Variants in PRKN observed in about 807,000 individuals in gnomAD.
The protein encoded by PRKN is E3 ubiquitin-protein ligase parkin.
Under a neutral mutation model 59.5 loss-of-function variants are expected in PRKN, and 56 were observed. That is an observed-to-expected ratio of 0.94 (90% CI 0.76 to 1.18). The LOEUF (loss-of-function observed/expected upper bound fraction) is 1.18. PRKN is among the 50% of genes most tolerant of loss of function. PRKN has a pLI of 0.00. For missense variants in PRKN, 657 were observed against 596.4 expected (o/e 1.10, Z -1.06); for synonymous variants, 250 against 222.1 (o/e 1.13, Z -1.12).
chr6:162,449,736 T>C (rs1045356198), intron 1 of PRKN, among the ~76,000 whole-genome samples: 5 of 152,174 alleles, frequency 3.3e-5, no homozygotes, highest in African/African-American at 1.2e-4. Context: ...TCCCCACTTA[T>C]ACATAGAGGC....
chr6:162,699,628 G>GGCC (rs1778083417), intron 1 of PRKN, among the ~76,000 whole-genome samples: 1 of 152,130 alleles, frequency 6.6e-6, no homozygotes, highest in African/African-American at 2.4e-5. Flanking sequence ...AAGAATAAAA[G>GGCC]TGTCTCCAAT....
At chr6:161,436,356 CTCA>C (rs936169237) in intron 9 of PRKN, among the ~76,000 whole-genome samples, 40 of 77,192 alleles carry the variant, frequency 5.2e-4, no homozygotes, top group Non-Finnish European at 1.0e-3. Flanking sequence ...GCTGTGTGCC[CTCA>C]TCAGGTGGAT....
At chr6:161,804,655 C>T (rs901417975) in intron 6 of PRKN, among the ~76,000 whole-genome samples, 1 of 152,216 alleles carries the variant, frequency 6.6e-6, no homozygotes, top group East Asian at 1.9e-4. Context: ...ATTTTAATAA[C>T]ACTTAGCTAT....
chr6:162,185,802 G>A (rs1784005127), intron 4 of PRKN, among the ~76,000 whole-genome samples: 1 of 152,048 alleles, frequency 6.6e-6, no homozygotes, highest in Non-Finnish European at 1.5e-5. Flanking sequence ...AAAAATATAA[G>A]AACATCTTAG....
At chr6:162,004,216 T>C (rs1172716695) in intron 5 of PRKN, among the ~76,000 whole-genome samples, 1 of 152,168 alleles carries the variant, frequency 6.6e-6, no homozygotes, top group Non-Finnish European at 1.5e-5. Flanking sequence ...GTGAGTGAGT[T>C]CTCACAAGCT....
At position 161,355,518 on chromosome 6, in the gene PRKN, C is replaced by T. The variant is rs189098507; in HGVS notation, c.1285+4570G>A. On this transcript the variant is annotated intron_variant, in intron 11 of 11. Transcript: ENST00000366898. The surrounding 1 kb of genome is among the most constrained non-coding windows in gnomAD (Gnocchi z 6.8). ...CTGGGTTCAACCAATTCTTGTGTCTCGGCCTCCCGAGTAGCTGGGATCACA... is the reference window on the plus strand; with the variant it reads ...CTGGGTTCAACCAATTCTTGTGTCTTGGCCTCCCGAGTAGCTGGGATCACA... Among the ~76,000 whole-genome samples, 6 of 152,264 alleles carry T rather than the reference C, an allele frequency of 3.9e-5. No individual in the cohort carries two copies. The highest frequency in any genetic ancestry group is 3.4e-3 in the Middle Eastern group (1 of 294).
intron 6 of PRKN, among the ~76,000 whole-genome samples, chr6:161,912,126 G>A (rs944144631): frequency 4.6e-5 from 7 of 151,124 alleles, no homozygotes; most frequent in Non-Finnish European, 8.8e-5. Flanking sequence ...TGCAGTGAGT[G>A]GAGATCACAC....
chr6:161,889,441 C>T (rs747144221), intron 6 of PRKN, among the ~76,000 whole-genome samples: 37 of 152,168 alleles, frequency 2.4e-4, no homozygotes, highest in Non-Finnish European at 4.3e-4. Flanking sequence ...GGATGAACAA[C>T]GGGCGCACAG....
rs1439058103 is a variant in PRKN, at chr6:161,497,359, A to G, written c.1083+51495T>C. ...ACATCATCATTCAGCTCTCACAGAC[A>G]TTCCTCCTTCAAAACAGACCCTCTG... On this transcript the variant is annotated intron_variant, in intron 9 of 11. Transcript: ENST00000366898. This position sits in a 1 kb window ranked among gnomAD's most constrained non-coding sequence, Gnocchi z 4.6. Among the ~76,000 whole-genome samples the G allele has an allele frequency of 2.0e-5, 3 of 152,190 alleles. No individual in the cohort carries two copies. Among genetic ancestry groups the G allele is most frequent in the Non-Finnish European group, 2.9e-5 (2 of 68,036 alleles).
At chr6:162,511,511 A>G (rs1255567670) in intron 1 of PRKN, among the ~76,000 whole-genome samples, 1 of 152,174 alleles carries the variant, frequency 6.6e-6, no homozygotes, top group Admixed American at 6.5e-5. Flanking sequence ...AATGTCTTAT[A>G]TGTAAATTCT....
chr6:162,386,059 G>A (rs1786788736), intron 2 of PRKN, among the ~76,000 whole-genome samples: 1 of 152,068 alleles, frequency 6.6e-6, no homozygotes, highest in East Asian at 1.9e-4. Flanking sequence ...AGGTGCCTAT[G>A]CAGATGCAGG....
intron 2 of PRKN, among the ~76,000 whole-genome samples, chr6:162,339,213 C>T (rs7383696): frequency 0.072 from 9,975 of 139,288 alleles, 604 homozygotes; most frequent in East Asian, 0.41. Flanking sequence ...CGTCTCCGCC[C>T]GGCAGCCACC....
intron 6 of PRKN, among the ~76,000 whole-genome samples, chr6:161,962,387 A>T (rs2128248819): frequency 6.6e-6 from 1 of 152,316 alleles, no homozygotes; most frequent in East Asian, 1.9e-4. Context: ...CATTAGAAAT[A>T]AATGCACAAG....
In PRKN at chr6:161,765,915, A is replaced by G. The variant is rs113994562; in HGVS notation, c.871+19857T>C. Among the ~76,000 whole-genome samples, 248 of 152,346 alleles carry G rather than the reference A, an allele frequency of 1.6e-3. 1 individual carries two copies. The highest frequency in any genetic ancestry group is 5.8e-3 in the African/African-American group (241 of 41,576). On this transcript the variant is annotated intron_variant, in intron 7 of 11. Coordinates refer to ENST00000366898, the MANE Select transcript of PRKN (RefSeq NM_004562.3). ...TAGGGAGTAACAAATCAAAAACAAAATAAAACAAAATGCTTTGAATTGTTT... is the reference window on the plus strand; with the variant it reads ...TAGGGAGTAACAAATCAAAAACAAAGTAAAACAAAATGCTTTGAATTGTTT...
rs1779145328 is a variant in PRKN at position 162,725,846 on chromosome 6, T to C, written c.7+1816A>G. Among the ~76,000 whole-genome samples the C allele has an allele frequency of 2.6e-5, 4 of 152,150 alleles. No individual in the cohort carries two copies. In the South Asian group the frequency reaches 8.3e-4, roughly 32 times the overall value. ...ACTAGTTGAATATTTTATTGCACAT[T>C]GTCCATGATCTTATATGTAAGGCAC... is the stretch of plus-strand genomic sequence containing the variant. On this transcript the variant is annotated intron_variant, in intron 1 of 11. Transcript: ENST00000366898.
At chr6:161,815,398 G>C (rs952450397) in intron 6 of PRKN, among the ~76,000 whole-genome samples, 2 of 152,164 alleles carry the variant, frequency 1.3e-5, no homozygotes, top group African/African-American at 4.8e-5. Context: ...TCTTTTGTGG[G>C]CTGATTATAG....
chr6:162,169,602 C>T (rs1051243641), intron 4 of PRKN, among the ~76,000 whole-genome samples: 5 of 152,168 alleles, frequency 3.3e-5, no homozygotes, highest in Admixed American at 6.5e-5. Flanking sequence ...TGAAAATACA[C>T]ACGATATGCA....
chr6:162,342,087 T>G (rs1275341665), intron 2 of PRKN, among the ~76,000 whole-genome samples: 1 of 152,202 alleles, frequency 6.6e-6, no homozygotes, highest in African/African-American at 2.4e-5. Flanking sequence ...TATTTAAGTT[T>G]GAATTATTGC....
chr6:162,666,668 C>G (rs1779117489), intron 1 of PRKN, among the ~76,000 whole-genome samples: 1 of 152,034 alleles, frequency 6.6e-6, no homozygotes, highest in Non-Finnish European at 1.5e-5. Context: ...TACAAACTCC[C>G]ATTTTTAAAT....
Sources: allele counts gnomAD v4.1 joint callset (sites outside exome capture counted in the v4.1 genomes callset), GRCh38; gene constraint gnomAD v4.1.1; non-coding constraint Gnocchi (gnomAD v3.1); transcripts MANE v1.5; gene names NCBI Gene and HGNC (gene_info 2026-07-23, HGNC 2026-07-21).